The following PTPRD variants were observed in gnomAD, a reference collection of about 807,000 sequenced individuals.
PTPRD encodes the protein protein tyrosine phosphatase receptor type D.
PTPRD carries 34 observed loss-of-function variants against 214.5 expected under a neutral mutation model. The observed-to-expected ratio is 0.16, with a 90% CI of 0.12 to 0.21. The LOEUF (loss-of-function observed/expected upper bound fraction) is 0.21, where lower values mean the gene tolerates loss of function less well. PTPRD is among the 10% of genes least tolerant of loss of function. PTPRD has a pLI of 1.00. For missense variants in PTPRD, 2,545 were observed against 2,398.7 expected, an observed-to-expected ratio of 1.06 and a Z score of -1.27; for synonymous variants, 1,128 against 845.7, an observed-to-expected ratio of 1.33 and a Z score of -5.79.
chr9:10,143,533 A>G (rs1184392124), intron 3 of PTPRD, among the ~76,000 whole-genome samples: 1 of 151,908 alleles, frequency 6.6e-6, no homozygotes, highest in Non-Finnish European at 1.5e-5. Flanking sequence ...TTGAACTGCC[A>G]TTCAACCCAG....
intron 9 of PTPRD, among the ~76,000 whole-genome samples, chr9:9,317,634 A>G (rs1963997378): frequency 6.6e-6 from 1 of 151,974 alleles, no homozygotes; most frequent in Non-Finnish European, 1.5e-5. Context: ...CTCCACATTG[A>G]TGCTGATGTT....
At chr9:9,908,620 T>TTG (rs2078290928) in intron 5 of PTPRD, among the ~76,000 whole-genome samples, 1 of 152,050 alleles carries the variant, frequency 6.6e-6, no homozygotes, top group Admixed American at 6.6e-5. Flanking sequence ...AAAGATTTAG[T>TTG]TGTCTATGCA....
intron 11 of PTPRD, among the ~76,000 whole-genome samples, chr9:8,769,454 C>T (rs1565919239): frequency 6.6e-6 from 1 of 152,134 alleles, no homozygotes; most frequent in Admixed American, 6.5e-5. Flanking sequence ...TATTGAACAT[C>T]CACAAAGTGT....
intron 11 of PTPRD, among the ~76,000 whole-genome samples, chr9:8,897,574 C>T (rs1240349279): frequency 1.3e-5 from 2 of 152,128 alleles, no homozygotes; most frequent in Admixed American, 6.5e-5. Context: ...GCTGTCTGCA[C>T]CAGTAAAACA....
chr9:9,085,844 G>A (rs1024225329), intron 10 of PTPRD, among the ~76,000 whole-genome samples: 5 of 152,120 alleles, frequency 3.3e-5, no homozygotes, highest in South Asian at 2.1e-4. Context: ...TAAGCCTCTC[G>A]AATCTAGAGA....
At chr9:8,483,683 G>C (rs1186137758) in intron 30 of PTPRD, among the ~76,000 whole-genome samples, 1 of 152,188 alleles carries the variant, frequency 6.6e-6, no homozygotes, top group Non-Finnish European at 1.5e-5. Context: ...TGACGCTGAG[G>C]CAAGGGAATC....
chr9:8,831,294 G>A (rs1467266568), intron 11 of PTPRD, among the ~76,000 whole-genome samples: 2 of 152,088 alleles, frequency 1.3e-5, no homozygotes, highest in African/African-American at 4.8e-5. Flanking sequence ...TGAATCCTAG[G>A]AGAATGTCAA....
Position 9,202,597 on chromosome 9 carries a change from A to T in PTPRD, c.-202-19234T>A, listed in dbSNP as rs572594026. Reference sequence around the variant, plus strand: ...TATCAGGATCTTCTCTAGTTGGGGGATGGGGGGTGTAGTGGTACATTATTA... The same window carrying T: ...TATCAGGATCTTCTCTAGTTGGGGGTTGGGGGGTGTAGTGGTACATTATTA... On this transcript the variant is annotated intron_variant, in intron 9 of 45. Transcript: ENST00000381196. Among the ~76,000 whole-genome samples the T allele has an allele frequency of 2.6e-5, 4 of 152,128 alleles. No homozygotes were observed. In the South Asian group the frequency reaches 8.3e-4, roughly 32 times the overall value.
intron 9 of PTPRD, among the ~76,000 whole-genome samples, chr9:9,324,872 G>A (rs1219116906): frequency 6.6e-6 from 1 of 152,190 alleles, no homozygotes. Context: ...TTTTGTATAA[G>A]GTGTAAGGAA....
chr9:10,382,121 A>C (rs1168336303), intron 2 of PTPRD, among the ~76,000 whole-genome samples: 1 of 151,852 alleles, frequency 6.6e-6, no homozygotes, highest in Non-Finnish European at 1.5e-5. Context: ...ATTTGGTATT[A>C]AAGTCTGAGG....
intron 11 of PTPRD, among the ~76,000 whole-genome samples, chr9:8,810,008 G>A (rs12006129): frequency 0.063 from 9,566 of 152,192 alleles, 955 homozygotes; most frequent in African/African-American, 0.21. Flanking sequence ...AAGACAATGT[G>A]GGCCAATTCA....
intron 2 of PTPRD, among the ~76,000 whole-genome samples, chr9:10,390,930 A>G (rs1049075194): frequency 2.0e-5 from 3 of 151,846 alleles, no homozygotes; most frequent in Admixed American, 2.0e-4. Flanking sequence ...CACTACCAAC[A>G]TCTGTCAATG....
chr9:8,913,788 A>G (rs1239858255), intron 11 of PTPRD, among the ~76,000 whole-genome samples: 1 of 152,164 alleles, frequency 6.6e-6, no homozygotes, highest in African/African-American at 2.4e-5. Context: ...TTGGTGGACA[A>G]TGAAGATGAG....
At chr9:8,919,244 T>C (rs2098808007) in intron 11 of PTPRD, among the ~76,000 whole-genome samples, 1 of 151,892 alleles carries the variant, frequency 6.6e-6, no homozygotes. Flanking sequence ...AATACAAAAA[T>C]TAGCTGGGCG....
chr9:9,648,162 C>T (rs369067775), intron 7 of PTPRD, among the ~76,000 whole-genome samples: 2 of 151,742 alleles, frequency 1.3e-5, no homozygotes, highest in South Asian at 4.2e-4. Context: ...TGTACTTATA[C>T]TCAGAAATCA....
intron 2 of PTPRD, among the ~76,000 whole-genome samples, chr9:10,499,373 G>C (rs530035407): frequency 1.3e-5 from 2 of 151,818 alleles, no homozygotes; most frequent in African/African-American, 2.4e-5. Context: ...ATTATTACTA[G>C]GGATAAACAA....
chr9:10,231,981 A>AGTGTGTGTGTGT (rs1259734289), intron 3 of PTPRD, among the ~76,000 whole-genome samples: 5 of 102,400 alleles, frequency 4.9e-5, no homozygotes, highest in Non-Finnish European at 9.8e-5. Flanking sequence ...AGAGAGAGAG[A>AGTGTGTGTGTGT]GAGAGAGAGT....
chr9:10,075,260 T>G (rs1357480556), intron 3 of PTPRD, among the ~76,000 whole-genome samples: 1 of 152,068 alleles, frequency 6.6e-6, no homozygotes, highest in Non-Finnish European at 1.5e-5. Context: ...TGCATAATTA[T>G]TATTAACTAC....
chr9:9,217,873 C>A (rs573539311), intron 9 of PTPRD, among the ~76,000 whole-genome samples: 1 of 152,084 alleles, frequency 6.6e-6, no homozygotes, highest in Non-Finnish European at 1.5e-5. Flanking sequence ...CTTTTTGAAG[C>A]CTTCTTGGTC....
Sources: gnomAD v4.1 joint callset for allele counts (sites outside exome capture counted in the v4.1 genomes callset) on GRCh38, gnomAD v4.1.1 for gene constraint, MANE v1.5 for transcripts, NCBI Gene and HGNC (gene_info 2026-07-23, HGNC 2026-07-21) for gene names.